LDLRAD4: variants seen among roughly 807,000 people sequenced by gnomAD.
LDLRAD4 encodes low-density lipoprotein receptor class A domain-containing protein 4.
LDLRAD4 carries 5 observed loss-of-function variants against 17.0 expected under a neutral mutation model. That is an observed-to-expected ratio of 0.29 (90% CI 0.15 to 0.62). The LOEUF is 0.62. LDLRAD4 is among the 20% of genes least tolerant of loss of function. The probability of loss-of-function intolerance (pLI) is 0.84; values close to 1 mark genes in which losing one functional copy is unlikely to be tolerated. For missense variants in LDLRAD4, 340 were observed against 424.7 expected (o/e 0.80, Z 1.75); for synonymous variants, 168 against 171.8 (o/e 0.98, Z 0.17).
chr18:13,421,468 T>G (rs12959988), intron 2 of LDLRAD4, among the ~76,000 whole-genome samples: 1 of 151,900 alleles, frequency 6.6e-6, no homozygotes, highest in East Asian at 1.9e-4. Flanking sequence ...TTTCCGTTTC[T>G]GAGTCCCCAC....
intron 2 of LDLRAD4, among the ~76,000 whole-genome samples, chr18:13,396,013 CTG>C (rs1268268964): frequency 6.6e-6 from 1 of 152,096 alleles, no homozygotes; most frequent in Non-Finnish European, 1.5e-5. Flanking sequence ...TCCCGGGTCT[CTG>C]TGTTTTTTCA....
chr18:13,509,772 A>T (rs568659210), intron 3 of LDLRAD4, among the ~76,000 whole-genome samples: 1 of 152,304 alleles, frequency 6.6e-6, no homozygotes, highest in Non-Finnish European at 1.5e-5. Context: ...GGCACTCTTC[A>T]TTGTTTTCTT....
chr18:13,593,496 G>A (rs1377722585), intron 3 of LDLRAD4, among the ~76,000 whole-genome samples: 2 of 152,140 alleles, frequency 1.3e-5, no homozygotes, highest in African/African-American at 4.8e-5. Context: ...TTGACCTGTG[G>A]CTTATCAGGA....
At chr18:13,225,752 G>A (rs2041748696) in intron 1 of LDLRAD4, among the ~76,000 whole-genome samples, 2 of 152,274 alleles carry the variant, frequency 1.3e-5, no homozygotes, top group South Asian at 2.1e-4. Flanking sequence ...TGATTAGTAG[G>A]TTAGTAGATT....
intron 3 of LDLRAD4, among the ~76,000 whole-genome samples, chr18:13,535,683 C>G (rs1050947181): frequency 6.6e-6 from 1 of 151,886 alleles, no homozygotes; most frequent in Non-Finnish European, 1.5e-5. Context: ...CATAATTTTT[C>G]TTATATAAAT....
intron 3 of LDLRAD4, among the ~76,000 whole-genome samples, chr18:13,485,309 G>A (rs1040516634): frequency 6.6e-6 from 1 of 152,206 alleles, no homozygotes; most frequent in Non-Finnish European, 1.5e-5. Context: ...AGTGTAGTTG[G>A]TGGTAGAAAC....
intron 3 of LDLRAD4, among the ~76,000 whole-genome samples, chr18:13,530,182 C>T (rs904386705): frequency 2.0e-5 from 3 of 152,168 alleles, no homozygotes; most frequent in Non-Finnish European, 2.9e-5. Context: ...GTGGAGTCAC[C>T]GACCTGCTGC....
intron 1 of LDLRAD4, among the ~76,000 whole-genome samples, chr18:13,370,712 T>TG (rs2084406009): frequency 5.0e-5 from 2 of 40,212 alleles, no homozygotes; most frequent in South Asian, 1.1e-3. Flanking sequence ...TTTTTTGTTT[T>TG]GTTTTTTTTT....
At chr18:13,244,334 C>T (rs56191278) in intron 1 of LDLRAD4, among the ~76,000 whole-genome samples, 58,433 of 150,700 alleles carry the variant, frequency 0.39, 13,342 homozygotes, top group Middle Eastern at 0.55. Flanking sequence ...ATCCAACCCA[C>T]GAATCCACCT....
At chr18:13,376,692 G>A (rs1238437774) in intron 1 of LDLRAD4, among the ~76,000 whole-genome samples, 2 of 152,242 alleles carry the variant, frequency 1.3e-5, no homozygotes, top group African/African-American at 2.4e-5. Context: ...TCTATCACAC[G>A]CGGTTCCAGA....
At chr18:13,632,211 C>G (rs990928221) in intron 4 of LDLRAD4, among the ~76,000 whole-genome samples, 60 of 152,272 alleles carry the variant, frequency 3.9e-4, no homozygotes, top group Non-Finnish European at 7.2e-4. Context: ...GCTGGTGGTG[C>G]CTTCTGCCTG....
chr18:13,406,100 G>C (rs2087720485), intron 2 of LDLRAD4, among the ~76,000 whole-genome samples: 1 of 152,212 alleles, frequency 6.6e-6, no homozygotes, highest in Non-Finnish European at 1.5e-5. Context: ...ACAGTGCTGG[G>C]CACCCATGCT....
chr18:13,426,287 A>G (rs59792741), intron 2 of LDLRAD4, among the ~76,000 whole-genome samples: 6,081 of 152,296 alleles, frequency 0.04, 404 homozygotes, highest in African/African-American at 0.14. Context: ...GGAGATAGAC[A>G]AAGGAATTTA....
chr18:13,555,082 G>T (rs1482676095), intron 3 of LDLRAD4, among the ~76,000 whole-genome samples: 2 of 152,162 alleles, frequency 1.3e-5, no homozygotes, highest in Non-Finnish European at 2.9e-5. Flanking sequence ...ATACCTGATT[G>T]TTATTCCTCA....
At chr18:13,546,589 T>A (rs998677680) in intron 3 of LDLRAD4, among the ~76,000 whole-genome samples, 1 of 148,640 alleles carries the variant, frequency 6.7e-6, no homozygotes, top group African/African-American at 2.5e-5. Context: ...GCCTGGGTGG[T>A]TTTTTTTTTA....
At chr18:13,373,182 T>C (rs897411612) in intron 1 of LDLRAD4, among the ~76,000 whole-genome samples, 4 of 152,170 alleles carry the variant, frequency 2.6e-5, no homozygotes, top group South Asian at 4.1e-4. Context: ...TGTGTGTCTT[T>C]TGAGCAAAGG....
intron 3 of LDLRAD4, among the ~76,000 whole-genome samples, chr18:13,504,968 T>C (rs1330647297): frequency 6.6e-6 from 1 of 152,070 alleles, no homozygotes; most frequent in African/African-American, 2.4e-5. Context: ...GGCTTGAGTC[T>C]GGAGACCTGG....
chr18:13,274,371 G>C (rs2044735368), upstream of LDLRAD4, among the ~76,000 whole-genome samples: 1 of 152,184 alleles, frequency 6.6e-6, no homozygotes, highest in South Asian at 2.1e-4. Context: ...TTCCCTGCTG[G>C]CCCCTACACA....
intron 2 of LDLRAD4, among the ~76,000 whole-genome samples, chr18:13,391,664 A>T (rs1464336234): frequency 7.5e-6 from 1 of 133,474 alleles, no homozygotes; most frequent in East Asian, 2.1e-4. Flanking sequence ...GCAAACTCGG[A>T]AAGCGCAAGA....
Sources: allele counts gnomAD v4.1 joint callset (sites outside exome capture counted in the v4.1 genomes callset), GRCh38; gene constraint gnomAD v4.1.1; transcripts MANE v1.5; gene names NCBI Gene and HGNC (gene_info 2026-07-23, HGNC 2026-07-21).